The following CNKSR3 variants were observed in gnomAD, a reference collection of about 807,000 sequenced individuals.
CNKSR3 encodes the protein connector enhancer of kinase suppressor of ras 3.
A neutral mutation model predicts 67.7 loss-of-function variants in CNKSR3; 36 were observed. The observed-to-expected ratio is 0.53, with a 90% CI of 0.41 to 0.70. CNKSR3 has a LOEUF of 0.70. CNKSR3 is among the 30% of genes least tolerant of loss of function. The probability of loss-of-function intolerance (pLI) is 0.00; values close to 1 mark genes in which losing one functional copy is unlikely to be tolerated. For synonymous variants in CNKSR3, 281 were observed against 271.4 expected, an observed-to-expected ratio of 1.04 and a Z score of -0.35; for missense variants, 630 against 695.2, an observed-to-expected ratio of 0.91 and a Z score of 1.05.
rs372903280 is a variant in CNKSR3 at position 154,443,731 on chromosome 6, T to C, written c.217-1441A>G. 1.5e-3 allele frequency among the ~76,000 whole-genome samples: 229 copies of C among 152,246 alleles called. 4 individuals carry two copies. In the East Asian group the frequency reaches 0.027, roughly 18 times the overall value. On this transcript the variant is annotated intron_variant, in intron 2 of 12. Transcript: ENST00000607772. ...CTCCTGAGCTTGAAGATATGGCTCC[T>C]GTTTGTACTCCAAGCTACTCAAGAG...
chr6:154,444,361 C>A (rs1229265483), intron 2 of CNKSR3, among the ~76,000 whole-genome samples: 4 of 152,130 alleles, frequency 2.6e-5, no homozygotes, highest in Admixed American at 6.5e-5. Flanking sequence ...TTACAAAGCT[C>A]ATCAGCGGTA....
chr6:154,429,675 C>T (rs1488472482), intron 6 of CNKSR3, among the ~76,000 whole-genome samples: 4 of 152,074 alleles, frequency 2.6e-5, no homozygotes, highest in Non-Finnish European at 4.4e-5. Context: ...CTTAACAGCT[C>T]CTGACAGCTA....
chr6:154,395,488 G>T lies in CNKSR3; in HGVS notation c.*10866C>A. Reference sequence around the variant, plus strand: ...CTTTTTGCAGTGCAGGATGTGTGGGGGAGCAGAATTTCCACTTGTTTTCTT... The same window carrying T: ...CTTTTTGCAGTGCAGGATGTGTGGGTGAGCAGAATTTCCACTTGTTTTCTT... On this transcript the variant is annotated 3_prime_UTR_variant, in exon 13 of 13. Coordinates refer to ENST00000607772, the MANE Select transcript of CNKSR3 (RefSeq NM_173515.4). The T allele has an allele frequency of 6.6e-6, 1 of 152,138 alleles. No homozygotes were observed. Among genetic ancestry groups the T allele is most frequent in the East Asian group, 1.9e-4 (1 of 5,192 alleles). The allele number at this position is 152,138 out of a possible 1,614,324, so 9.4% of individuals were successfully genotyped here.
intron 1 of CNKSR3, among the ~76,000 whole-genome samples, chr6:154,455,032 G>A (rs1189431106): frequency 6.6e-6 from 1 of 151,874 alleles, no homozygotes; most frequent in African/African-American, 2.4e-5. Flanking sequence ...ACTTTGGACG[G>A]GCACAGTGGC....
In CNKSR3 at chr6:154,396,115, A is replaced by C. The variant is rs1784658746; in HGVS notation, c.*10239T>G. 1 of 152,220 alleles carries C rather than the reference A, an allele frequency of 6.6e-6. No homozygotes were observed. The highest frequency in any genetic ancestry group is 2.4e-5 in the African/African-American group (1 of 41,448). The allele number at this position is 152,220 out of a possible 1,614,324, so 9.4% of individuals were successfully genotyped here. A position where few individuals can be genotyped will look rare whatever the true frequency, so the allele number is the denominator to read the frequency against. ...TGTTATACAACTGCAACTGTCCTCC[A>C]CGTCGCCTCCATTTATAGAGCATTC... On this transcript the variant is annotated 3_prime_UTR_variant, in exon 13 of 13. Transcript: ENST00000607772.
intron 7 of CNKSR3, among the ~76,000 whole-genome samples, chr6:154,425,990 GTGGGCTCTCAC>G (rs1365142505): frequency 7.9e-5 from 12 of 152,344 alleles, no homozygotes; most frequent in African/African-American, 2.6e-4. Flanking sequence ...CCTGGGAGAA[GTGGGCTCTCAC>G]CTAACTTCCC....
chr6:154,466,409 C>T (rs1022704977), intron 1 of CNKSR3, among the ~76,000 whole-genome samples: 1 of 152,102 alleles, frequency 6.6e-6, no homozygotes, highest in Non-Finnish European at 1.5e-5. Flanking sequence ...GAAACACGCA[C>T]AAGCATGAGC....
At chr6:154,470,035 T>C (rs1356471390) in intron 1 of CNKSR3, among the ~76,000 whole-genome samples, 12 of 152,152 alleles carry the variant, frequency 7.9e-5, no homozygotes, top group Admixed American at 7.2e-4. Context: ...AATCTACTTA[T>C]AAGTGGACCT....
intron 1 of CNKSR3, among the ~76,000 whole-genome samples, chr6:154,471,246 A>G (rs1786324392): frequency 6.6e-6 from 1 of 152,216 alleles, no homozygotes; most frequent in Admixed American, 6.5e-5. Flanking sequence ...AGTCACTGCT[A>G]TAAATATGTG....
chr6:154,400,689 C>A lies in CNKSR3; in HGVS notation c.*5665G>T, dbSNP rs564054170. The stretch of plus-strand genomic sequence containing the variant: ...TATAGGGTTTGGGACAGACTCCACA[C>A]CCCTAAAACTAGAGGAAAAACAAGG... On this transcript the variant is annotated 3_prime_UTR_variant, in exon 13 of 13. Transcript: ENST00000607772. The A allele has an allele frequency of 4.3e-4, 65 of 152,268 alleles. No homozygotes were observed. Among genetic ancestry groups the A allele is most frequent in the African/African-American group, 1.5e-3 (63 of 41,550 alleles). The allele number at this position is 152,268 out of a possible 1,614,324, so 9.4% of individuals were successfully genotyped here.
intron 9 of CNKSR3, among the ~76,000 whole-genome samples, chr6:154,421,119 C>T (rs557402420): frequency 1.3e-5 from 2 of 152,206 alleles, no homozygotes; most frequent in East Asian, 3.9e-4. Context: ...GTTCAAGCAA[C>T]TCTTCTGCCT....
chr6:154,496,597 A>T (rs1007155151), intron 1 of CNKSR3, among the ~76,000 whole-genome samples: 3 of 152,220 alleles, frequency 2.0e-5, no homozygotes, highest in Admixed American at 6.5e-5. Context: ...CAGTCATATC[A>T]TCTCAGAATT....
At chr6:154,418,580 G>A (rs191026777) in intron 9 of CNKSR3, among the ~76,000 whole-genome samples, 6 of 152,146 alleles carry the variant, frequency 3.9e-5, no homozygotes, top group Admixed American at 2.6e-4. Flanking sequence ...AACAATTAGC[G>A]GGCAGAGCAA....
At chr6:154,424,975 T>C (rs2128714336) in intron 7 of CNKSR3, among the ~76,000 whole-genome samples, 1 of 152,364 alleles carries the variant, frequency 6.6e-6, no homozygotes, top group Admixed American at 6.5e-5. Context: ...TTTCACCATG[T>C]TGGCCAGGCT....
intron 1 of CNKSR3, among the ~76,000 whole-genome samples, chr6:154,460,880 T>C (rs551889479): frequency 6.6e-6 from 1 of 152,308 alleles, no homozygotes; most frequent in Admixed American, 6.5e-5. Context: ...CCGCGACAGC[T>C]GCACCCATTG....
chr6:154,419,838 G>T (rs936244761), intron 9 of CNKSR3, among the ~76,000 whole-genome samples: 1 of 152,150 alleles, frequency 6.6e-6, no homozygotes, highest in Non-Finnish European at 1.5e-5. Context: ...CTAGCACTTT[G>T]GGAGGCTGAG....
intron 1 of CNKSR3, among the ~76,000 whole-genome samples, chr6:154,496,246 C>A (rs975511673): frequency 6.6e-6 from 1 of 152,114 alleles, no homozygotes; most frequent in Non-Finnish European, 1.5e-5. Flanking sequence ...ATCTATCAAG[C>A]CAACCCCGAC....
chr6:154,439,991 A>C (rs1785548242), intron 4 of CNKSR3, among the ~76,000 whole-genome samples: 1 of 152,222 alleles, frequency 6.6e-6, no homozygotes, highest in Non-Finnish European at 1.5e-5. Flanking sequence ...AAATGCCTTC[A>C]ACCACAAATG....
intron 1 of CNKSR3, among the ~76,000 whole-genome samples, chr6:154,487,248 T>A (rs6934021): frequency 0.41 from 61,604 of 151,872 alleles, 12,495 homozygotes; most frequent in African/African-American, 0.44. Flanking sequence ...GAAGATGTGA[T>A]TTTTTTTTCC....
Sources: allele counts gnomAD v4.1 joint callset (sites outside exome capture counted in the v4.1 genomes callset), GRCh38; gene constraint gnomAD v4.1.1; transcripts MANE v1.5; gene names NCBI Gene and HGNC (gene_info 2026-07-23, HGNC 2026-07-21).